ZKSCAN7: variants seen among roughly 807,000 people sequenced by gnomAD.
ZKSCAN7 encodes the protein zinc finger with KRAB and SCAN domains 7.
In ZKSCAN7, 38 loss-of-function variants were observed where a neutral mutation model predicts 65.3. The observed-to-expected ratio is 0.58, with a 90% CI of 0.45 to 0.76. ZKSCAN7 has a LOEUF of 0.76. Among genes scored for constraint, ZKSCAN7 ranks in the 30% least tolerant of loss-of-function variants. ZKSCAN7 has a pLI of 0.00. For missense variants in ZKSCAN7, 815 were observed against 913.3 expected (o/e 0.89, Z 1.39); for synonymous variants, 321 against 321.0 (o/e 1.00, Z 0.00).
chr3:44,578,406 G>A (rs1006268279), intron 5 of ZKSCAN7: 25 of 1,613,852 alleles, frequency 1.5e-5, no homozygotes, highest in South Asian at 7.7e-5. Flanking sequence ...AGCAGCGTCC[G>A]CAACCGTGTG....
At chr3:44,562,375 C>G (rs1055194533) in intron 2 of ZKSCAN7, among the ~76,000 whole-genome samples, 1 of 152,200 alleles carries the variant, frequency 6.6e-6, no homozygotes, top group Non-Finnish European at 1.5e-5. Flanking sequence ...TCTCCTAGGC[C>G]TCCAGGCCTG....
chr3:44,572,005 TG>T lies in ZKSCAN7; in HGVS notation c.*631del. On this transcript the variant is annotated 3_prime_UTR_variant, in exon 6 of 6. Coordinates refer to ENST00000426540, the MANE Select transcript of ZKSCAN7 (RefSeq NM_001288590.2). The stretch of plus-strand genomic sequence containing the variant: ...CTTTGAATTCACTGGTGCTACAATA[TG>T]TAACTGTGGTTAATTGCCTTGTAAA... The T allele has an allele frequency of 1.0e-6, 1 of 986,128 alleles. No individual in the cohort carries two copies. The allele number at this position is 986,128 out of a possible 1,614,324, so 61.1% of individuals were successfully genotyped here. A position where few individuals can be genotyped will look rare whatever the true frequency, so the allele number is the denominator to read the frequency against.
chr3:44,558,884 TC>T (rs1699381027), intron 2 of ZKSCAN7, among the ~76,000 whole-genome samples: 1 of 149,572 alleles, frequency 6.7e-6, no homozygotes, highest in South Asian at 2.1e-4. Flanking sequence ...GCTCAAGTGA[TC>T]CTCCCACCTT....
intron 2 of ZKSCAN7, among the ~76,000 whole-genome samples, chr3:44,558,038 T>C (rs1256800914): frequency 1.3e-5 from 2 of 152,162 alleles, no homozygotes; most frequent in Non-Finnish European, 2.9e-5. Context: ...TAATTTAAAC[T>C]AGAGGAATAG....
chr3:44,578,675 A>AGCTCCC (rs1226917399), intron 5 of ZKSCAN7, among the ~76,000 whole-genome samples: 1 of 151,446 alleles, frequency 6.6e-6, no homozygotes, highest in African/African-American at 2.4e-5. Flanking sequence ...GCTCTTCTCC[A>AGCTCCC]GCTCCCGCTC....
chr3:44,557,148 A>C lies in ZKSCAN7; in HGVS notation c.101A>C (p.Gln34Pro). The change falls in exon 2 of 6, where the codon CAG becomes CCG. Residue 34 changes from glutamine to proline, a missense_variant. This residue lies in a region of ZKSCAN7 where 227 missense variants were observed against 253.3 expected (regional missense o/e 0.90). Transcript: ENST00000426540. ...RLTVKQEPAN[Q>P]TWGQGSSLQK... ...ACTGTGAAGCAGGAGCCAGCAAACCAGACCTGGGGGCAGGGCAGCAGTCTC... is the reference window on the plus strand; with the variant it reads ...ACTGTGAAGCAGGAGCCAGCAAACCCGACCTGGGGGCAGGGCAGCAGTCTC... The C allele has an allele frequency of 6.2e-7, 1 of 1,614,266 alleles. No individual in the cohort carries two copies. Among genetic ancestry groups the C allele is most frequent in the East Asian group, 2.2e-5 (1 of 44,886 alleles).
chr3:44,557,664 G>C, intron 2 of ZKSCAN7, 194 bp downstream of exon 2: 1 of 711,948 alleles, frequency 1.4e-6, no homozygotes, highest in Middle Eastern at 3.9e-4. Flanking sequence ...TAAGCTCTGT[G>C]ATTCACCCTG....
At chr3:44,580,601 C>T in intron 5 of ZKSCAN7, 1 of 1,613,926 alleles carries the variant, frequency 6.2e-7, no homozygotes, top group Non-Finnish European at 8.5e-7. Context: ...TGAGCATCTC[C>T]AGCCACCCAC....
In ZKSCAN7 at chr3:44,571,470, G is replaced by T; in HGVS notation, c.*95G>T. The T allele has an allele frequency of 1.3e-6, 2 of 1,596,686 alleles. No homozygotes were observed. Among genetic ancestry groups the T allele is most frequent in the South Asian group, 1.1e-5 (1 of 90,710 alleles). ...GTGGTTTCCCGGAGCCAGTAGTCAC[G>T]GTGGACCATTCCCTACTTGCTTTTC... On this transcript the variant is annotated 3_prime_UTR_variant, in exon 6 of 6. Transcript: ENST00000426540.
chr3:44,569,862 TTC>T (rs1403175682), intron 5 of ZKSCAN7, 58 bp from the exon 6 acceptor site: 2 of 1,478,246 alleles, frequency 1.4e-6, no homozygotes, highest in South Asian at 1.6e-5. Context: ...CTCTTAATGA[TTC>T]TCTTTCTTAA....
At chr3:44,560,423 A>G (rs892138694) in intron 2 of ZKSCAN7, among the ~76,000 whole-genome samples, 2 of 151,892 alleles carry the variant, frequency 1.3e-5, no homozygotes, top group Middle Eastern at 3.4e-3. Flanking sequence ...ATGTGTGCAC[A>G]TTGTGGCTGG....
downstream of ZKSCAN7, among the ~76,000 whole-genome samples, chr3:44,574,387 T>G (rs953779997): frequency 6.6e-6 from 1 of 152,234 alleles, no homozygotes; most frequent in Non-Finnish European, 1.5e-5. Context: ...GTACTGAGAT[T>G]ACAGGTGTGA....
At chr3:44,557,510 T>A (rs761042603) in intron 2 of ZKSCAN7, 40 bp downstream of exon 2, 1 of 1,611,874 alleles carries the variant, frequency 6.2e-7, no homozygotes, top group East Asian at 2.2e-5. Context: ...GATGCTTCTC[T>A]AATGCTTGGG....
intron 2 of ZKSCAN7, among the ~76,000 whole-genome samples, chr3:44,558,262 T>A (rs1257049250): frequency 6.6e-6 from 1 of 151,966 alleles, no homozygotes; most frequent in Non-Finnish European, 1.5e-5. Context: ...TGGTAGCTCA[T>A]GCCTGTAATC....
chr3:44,574,946 C>G (rs1275033036), downstream of ZKSCAN7, among the ~76,000 whole-genome samples: 1 of 151,900 alleles, frequency 6.6e-6, no homozygotes, highest in African/African-American at 2.4e-5. Flanking sequence ...AAAAACAAAA[C>G]AAAACAAAAT....
Position 44,571,657 on chromosome 3 carries a change from C to T in ZKSCAN7, c.*282C>T. 2.4e-6 allele frequency: 3 copies of T among 1,258,590 alleles called. No individual in the cohort carries two copies. Among genetic ancestry groups the T allele is most frequent in the South Asian group, 2.0e-5 (1 of 49,580 alleles). The allele number at this position is 1,258,590 out of a possible 1,614,324, so 78.0% of individuals were successfully genotyped here. A position where few individuals can be genotyped will look rare whatever the true frequency, so the allele number is the denominator to read the frequency against. ...TCTATTTCATTTCTTAGTTATGCAT[C>T]TCATAATCAGACTCCATGCTTTTTA... On this transcript the variant is annotated 3_prime_UTR_variant, in exon 6 of 6. Transcript: ENST00000426540.
rs771486931 is a variant in ZKSCAN7, at chr3:44,568,324, G to T, written c.702G>T (p.Glu234Asp). 8 of 1,613,302 alleles carry T rather than the reference G, an allele frequency of 5.0e-6. No homozygotes were observed. In the African/African-American group the frequency reaches 1.1e-4, roughly 22 times the overall value. ...MVRPQDTVAY[E>D]DLSVDYTQKK... ...CATTCCAGGATACTGTGGCATATGA[G>T]GACCTATCTGTAGACTACACTCAGA... Residue 234 changes from glutamate (E) to aspartate (D), a missense_variant, in exon 5 of 6, where the codon GAG becomes GAT. This residue lies in a region of ZKSCAN7 where 578 missense variants were observed against 629.5 expected (regional missense o/e 0.92). Transcript: ENST00000426540.
chr3:44,560,850 C>T (rs1699456878), intron 2 of ZKSCAN7, among the ~76,000 whole-genome samples: 1 of 152,182 alleles, frequency 6.6e-6, no homozygotes, highest in Non-Finnish European at 1.5e-5. Context: ...GGTTACAAAA[C>T]AGGCAGTGCA....
chr3:44,579,828 A>G, intron 5 of ZKSCAN7: 1 of 1,612,732 alleles, frequency 6.2e-7, no homozygotes, highest in East Asian at 2.2e-5. Flanking sequence ...TGTTTCTTCC[A>G]CTGGCTGTCC....
Sources: gnomAD v4.1 joint callset for allele counts (sites outside exome capture counted in the v4.1 genomes callset) on GRCh38, gnomAD v4.1.1 for gene constraint, gnomAD v4.1.1 regional missense constraint, MANE v1.5 for transcripts, NCBI Gene and HGNC (gene_info 2026-07-23, HGNC 2026-07-21) for gene names.